Variants in SRFBP1 observed in about 807,000 individuals in gnomAD.
SRFBP1 encodes serum response factor-binding protein 1.
A neutral mutation model predicts 45.5 loss-of-function variants in SRFBP1; 47 were observed. That is an observed-to-expected ratio of 1.03 (90% CI 0.82 to 1.32). SRFBP1 has a LOEUF of 1.32. Ranked by LOEUF, SRFBP1 falls within the 40% of genes most tolerant of loss-of-function variation. SRFBP1 has a pLI of 0.00. For missense variants in SRFBP1, 621 were observed against 484.6 expected (o/e 1.28, Z -2.64); for synonymous variants, 203 against 166.3 (o/e 1.22, Z -1.70).
chr5:122,075,293 A>C (rs1300327656), intron 2 of SRFBP1: 1 of 941,894 alleles, frequency 1.1e-6, no homozygotes, highest in Admixed American at 2.6e-5. Context: ...AAATATAAGT[A>C]ATAGCAATTT....
chr5:122,026,981 A>G lies in SRFBP1; in HGVS notation c.1145A>G (p.Asn382Ser), dbSNP rs1360118290. The G allele has an allele frequency of 1.2e-6, 2 of 1,612,968 alleles. No homozygotes were observed. Among genetic ancestry groups the G allele is most frequent in the East Asian group, 2.2e-5 (1 of 44,788 alleles). Residue 382 changes from asparagine (N) to serine (S), a missense_variant, in exon 8 of 8, where the codon AAT becomes AGT. Coordinates refer to ENST00000339397, the MANE Select transcript of SRFBP1 (RefSeq NM_152546.3). ...QNEPQIKNQF[N>S]KKLSGRLENT... ...GAGCCTCAGATCAAGAATCAGTTTA[A>G]TAAGAAGCTATCAGGAAGACTTGAA...
chr5:121,979,145 A>G (rs1752359339), intron 3 of SRFBP1, among the ~76,000 whole-genome samples: 1 of 152,222 alleles, frequency 6.6e-6, no homozygotes, highest in East Asian at 1.9e-4. Context: ...AAAATGATAC[A>G]TCATCAAAAT....
intron 4 of SRFBP1, among the ~76,000 whole-genome samples, chr5:122,002,728 ATTG>A (rs1173241965): frequency 6.6e-6 from 1 of 152,186 alleles, no homozygotes; most frequent in African/African-American, 2.4e-5. Context: ...TATGTGAGAA[ATTG>A]TTGTAATTAT....
At chr5:122,029,220 T>C (rs1209285017), downstream of SRFBP1, among the ~76,000 whole-genome samples, 1 of 152,126 alleles carries the variant, frequency 6.6e-6, no homozygotes, top group Admixed American at 6.5e-5. Flanking sequence ...AAGAATTTTA[T>C]AGCCCAAAAT....
chr5:121,995,483 C>T (rs980942122), intron 4 of SRFBP1, among the ~76,000 whole-genome samples: 3 of 151,974 alleles, frequency 2.0e-5, no homozygotes, highest in East Asian at 3.9e-4. Context: ...AAAGACACAA[C>T]ATACCAGAAT....
At chr5:122,011,486 A>C (rs1267687802) in intron 4 of SRFBP1, among the ~76,000 whole-genome samples, 1 of 152,158 alleles carries the variant, frequency 6.6e-6, no homozygotes, top group Non-Finnish European at 1.5e-5. Context: ...TTGTTCATTG[A>C]GATTACTTAG....
intron 4 of SRFBP1, among the ~76,000 whole-genome samples, chr5:122,018,253 G>C (rs188232004): frequency 5.3e-5 from 8 of 152,330 alleles, no homozygotes; most frequent in Admixed American, 4.6e-4. Context: ...CTGTTGTGTG[G>C]AAAATTGACT....
downstream of SRFBP1, chr5:122,077,716 C>G: frequency 6.3e-7 from 1 of 1,587,646 alleles, no homozygotes. The surrounding 1 kb of genome is among the most constrained non-coding windows in gnomAD (Gnocchi z 4.9). Flanking sequence ...TCAGCAGGAT[C>G]GGAGTGCGGG....
chr5:122,033,682 A>G (rs1348070055), intron 2 of SRFBP1, among the ~76,000 whole-genome samples: 1 of 149,928 alleles, frequency 6.7e-6, no homozygotes, highest in East Asian at 2.0e-4. Flanking sequence ...TGGTCTCGAA[A>G]TCCTGACCTC....
intron 4 of SRFBP1, among the ~76,000 whole-genome samples, chr5:122,016,087 T>C (rs1753189414): frequency 6.6e-6 from 1 of 152,310 alleles, no homozygotes; most frequent in Non-Finnish European, 1.5e-5. Context: ...TGTGATAGGT[T>C]TATTTTGTTA....
At chr5:122,033,263 C>T (rs896953286), downstream of SRFBP1, among the ~76,000 whole-genome samples, 10 of 151,368 alleles carry the variant, frequency 6.6e-5, no homozygotes, top group Non-Finnish European at 8.8e-5. Flanking sequence ...AATATTTTTC[C>T]GTTTGTCAAT....
chr5:121,998,764 C>G (rs1423694913), intron 4 of SRFBP1, among the ~76,000 whole-genome samples: 1 of 151,868 alleles, frequency 6.6e-6, no homozygotes, highest in African/African-American at 2.4e-5. Context: ...TTTTTTCACC[C>G]TCTTTTTACA....
chr5:122,021,892 C>A (rs1436008510), intron 6 of SRFBP1, among the ~76,000 whole-genome samples: 1 of 150,870 alleles, frequency 6.6e-6, no homozygotes, highest in Non-Finnish European at 1.5e-5. Flanking sequence ...AGACGGGTTT[C>A]ACCATATTGG....
intron 7 of SRFBP1, among the ~76,000 whole-genome samples, chr5:122,024,953 GT>G (rs556012127): frequency 1.3e-4 from 19 of 151,288 alleles, no homozygotes; most frequent in East Asian, 3.9e-4. Flanking sequence ...GTTTTGTTTT[GT>G]TTTTTTTATT....
At chr5:121,980,012 G>C (rs1580503977) in intron 3 of SRFBP1, among the ~76,000 whole-genome samples, 1 of 152,082 alleles carries the variant, frequency 6.6e-6, no homozygotes, top group Non-Finnish European at 1.5e-5. Flanking sequence ...CTATCTACCA[G>C]AGGGACTGCT....
chr5:122,057,879 G>C (rs1001409350), intron 2 of SRFBP1, among the ~76,000 whole-genome samples: 1 of 151,402 alleles, frequency 6.6e-6, no homozygotes, highest in Non-Finnish European at 1.5e-5. Flanking sequence ...AGTCTTTTCA[G>C]AGTTGCCCAT....
In SRFBP1 at chr5:121,987,330, A is replaced by G. The variant is rs114044734; in HGVS notation, c.199-7269A>G. On this transcript the variant is annotated intron_variant, in intron 3 of 7. Transcript: ENST00000339397. ...GATGCAATTGGTTTCTATAGAGAAC[A>G]CAGGAATAGGTGTAGGAAGAAGATC... is the stretch of plus-strand genomic sequence containing the variant. Among the ~76,000 whole-genome samples, 626 of 152,286 alleles carry G rather than the reference A, an allele frequency of 4.1e-3. 8 individuals carry two copies. Among genetic ancestry groups the G allele is most frequent in the African/African-American group, 0.015 (606 of 41,574 alleles).
downstream of SRFBP1, chr5:122,078,006 C>A (rs761344933): frequency 1.9e-5 from 28 of 1,441,260 alleles, no homozygotes; most frequent in East Asian, 4.8e-4. Context: ...GCCAGATTGA[C>A]CCCGCTCGAG....
chr5:122,077,982 G>C, downstream of SRFBP1: 2 of 1,455,384 alleles, frequency 1.4e-6, no homozygotes, highest in East Asian at 2.6e-5. The surrounding 1 kb of genome is among the most constrained non-coding windows in gnomAD (Gnocchi z 4.9). Context: ...CAGGCGAAGC[G>C]CATCACTCCT....
Sources: allele counts gnomAD v4.1 joint callset (sites outside exome capture counted in the v4.1 genomes callset), GRCh38; gene constraint gnomAD v4.1.1; non-coding constraint Gnocchi (gnomAD v3.1); transcripts MANE v1.5; gene names NCBI Gene and HGNC (gene_info 2026-07-23, HGNC 2026-07-21).